Variants in VCX3A observed in about 807,000 individuals in gnomAD.
The protein encoded by VCX3A is variable charge X-linked protein 3.
For synonymous variants in VCX3A, 6 were observed against 69.9 expected (o/e 0.09, Z 4.56); for missense variants, 37 against 151.4 (o/e 0.24, Z 3.97).
At position 6,533,752 on chromosome X, in the gene VCX3A, C is replaced by G. The variant is rs139858953; in HGVS notation, c.554G>C (p.Ser185Thr). ...SQESEMEELPSV is the reference protein window; with the variant it reads ...SQESEMEELPTV The stretch of plus-strand genomic sequence containing the variant: ...AGGGGAGTAGCTGGCCGTCTACACA[C>G]TCGGTAGTTCTTCCATCTCGCTCTC... The change falls in exon 3 of 3, where the codon AGT (serine) becomes ACT (threonine). Residue 185 changes from serine to threonine, a missense_variant. Ser to Thr is a moderately conservative substitution (Grantham distance 58, BLOSUM62 1). Coordinates refer to ENST00000381089, the MANE Select transcript of VCX3A (RefSeq NM_016379.4). The G allele has an allele frequency of 1.7e-5, 20 of 1,198,461 alleles. No individual in the cohort carries two copies. The highest frequency in any genetic ancestry group is 8.9e-5 in the East Asian group (3 of 33,635).
Position 6,534,663 on chromosome X carries a change from T to C in VCX3A, c.-146-20A>G. ...GTAGCCCTGGGTGGGAAGGAAGGCC[T>C]TATACGTCACAACGCACCATCAGGA... On this transcript the variant is annotated intron_variant, in intron 1 of 2. Coordinates refer to ENST00000381089, the MANE Select transcript of VCX3A (RefSeq NM_016379.4). 2 of 686,079 alleles carry C rather than the reference T, an allele frequency of 2.9e-6. No homozygotes were observed. The highest frequency in any genetic ancestry group is 4.2e-6 in the Non-Finnish European group (2 of 472,993). 56.5% of individuals were successfully genotyped at this position (686,079 alleles called of 1,213,427 possible).
rs1921834893 is a variant in VCX3A, at chrX:6,535,097, A to C, written c.-286T>G. ...CCATGAAACAACTTTTCCATCTCAC[A>C]TACTTCTCCCAGCATCCACATAGTG... On this transcript the variant is annotated 5_prime_UTR_variant, in exon 1 of 3. An upstream start codon of the reference 5' UTR is lost. Coordinates refer to ENST00000381089, the MANE Select transcript of VCX3A (RefSeq NM_016379.4). 8.7e-6 allele frequency: 1 copy of C among 114,867 alleles called. No individual in the cohort carries two copies. Among genetic ancestry groups the C allele is most frequent in the Admixed American group, 8.6e-5 (1 of 11,694 alleles). 9.5% of individuals were successfully genotyped at this position (114,867 alleles called of 1,213,427 possible).
intron 2 of VCX3A, 28 bp downstream of exon 2, chrX:6,534,368 C>A: frequency 2.3e-6 from 1 of 437,092 alleles, no homozygotes; most frequent in Non-Finnish European, 3.6e-6. Flanking sequence ...GAGGGGAAGA[C>A]GAGGAGGAGC....
Position 6,535,011 on chromosome X carries a change from A to G in VCX3A, c.-200T>C, listed in dbSNP as rs1464294264. On this transcript the variant is annotated 5_prime_UTR_variant, in exon 1 of 3. Coordinates refer to ENST00000381089, the MANE Select transcript of VCX3A (RefSeq NM_016379.4). ...GATGGAGGGCTATACGAAGACGTCA[A>G]TCATCCCTCTCTCCTACAGATTCCT... 3.9e-5 allele frequency: 6 copies of G among 152,385 alleles called. No homozygotes were observed. Among genetic ancestry groups the G allele is most frequent in the Admixed American group, 3.0e-4 (4 of 13,248 alleles). The allele number at this position is 152,385 out of a possible 1,213,427, so 12.6% of individuals were successfully genotyped here.
At position 6,533,619 on chromosome X, in the gene VCX3A, C is replaced by T; in HGVS notation, c.*126G>A. 3.0e-6 allele frequency: 2 copies of T among 671,381 alleles called. No homozygotes were observed. Among genetic ancestry groups the T allele is most frequent in the Non-Finnish European group, 2.2e-6 (1 of 454,313 alleles). 55.3% of individuals were successfully genotyped at this position (671,381 alleles called of 1,213,427 possible). A position where few individuals can be genotyped will look rare whatever the true frequency, so the allele number is the denominator to read the frequency against. On this transcript the variant is annotated 3_prime_UTR_variant, in exon 3 of 3. Transcript: ENST00000381089. ...TCAGAGAACACAGAGTCACTCAGAT[C>T]AATTTGCAACACATTCATTTTATTA... is the stretch of plus-strand genomic sequence containing the variant.
chrX:6,533,703 A>T lies in VCX3A; in HGVS notation c.*42T>A, dbSNP rs764169764. On this transcript the variant is annotated 3_prime_UTR_variant, in exon 3 of 3. Coordinates refer to ENST00000381089, the MANE Select transcript of VCX3A (RefSeq NM_016379.4). ...CTCTGAGGTCTGGCGGCTGGGCCTG[A>T]ACTTAGTCGCTGCTCTCGGAGATAG... 8.4e-7 allele frequency: 1 copy of T among 1,184,788 alleles called. No individual in the cohort carries two copies. The highest frequency in any genetic ancestry group is 1.8e-5 in the South Asian group (1 of 55,345).
rs1274812167 is a variant in VCX3A at position 6,533,708 on chromosome X, A to C, written c.*37T>G. The C allele has an allele frequency of 7.6e-6, 9 of 1,185,080 alleles. No homozygotes were observed. Among genetic ancestry groups the C allele is most frequent in the Admixed American group, 2.2e-5 (1 of 44,980 alleles). On this transcript the variant is annotated 3_prime_UTR_variant, in exon 3 of 3. Coordinates refer to ENST00000381089, the MANE Select transcript of VCX3A (RefSeq NM_016379.4). ...AGGTCTGGCGGCTGGGCCTGAACTT[A>C]GTCGCTGCTCTCGGAGATAGGGGAG...
In VCX3A at chrX:6,533,807, CCT is replaced by C. The variant is rs766193165; in HGVS notation, c.497_498del (p.Gln166ArgfsTer?). ...QESEVEEPLS[Q>X]ESQVEEPLSQ... ...CTCAGTGGTTCCTCCACCTGGCTCTCCTGACTCAGTGGTTCCTCCACCTCGCT... is the reference window on the plus strand; with the variant it reads ...CTCAGTGGTTCCTCCACCTGGCTCTCGACTCAGTGGTTCCTCCACCTCGCT... On this transcript the variant is annotated frameshift_variant, in exon 3 of 3. Coordinates refer to ENST00000381089, the MANE Select transcript of VCX3A (RefSeq NM_016379.4). LOFTEE classifies it high-confidence loss of function. 22 of 1,131,035 alleles carry C rather than the reference CCT, an allele frequency of 1.9e-5. No individual in the cohort carries two copies. The African/African-American group carries it at 4.0e-4, about 20-fold the overall frequency. 93.2% of individuals were successfully genotyped at this position (1,131,035 alleles called of 1,213,427 possible).
rs763476497 is a variant in VCX3A, at chrX:6,533,782, C to G, written c.524G>C (p.Ser175Thr). Reference protein sequence around the residue: ...SQESQVEEPLSQESEMEELPS... With the variant: ...SQESQVEEPLTQESEMEELPS... ...TAGTTCTTCCATCTCGCTCTCCTGACTCAGTGGTTCCTCCACCTGGCTCTC... is the reference window on the plus strand; with the variant it reads ...TAGTTCTTCCATCTCGCTCTCCTGAGTCAGTGGTTCCTCCACCTGGCTCTC... The change falls in exon 3 of 3, where the codon AGT becomes ACT. Residue 175 changes from serine (S) to threonine (T), a missense_variant. Physicochemically the swap from Ser to Thr is moderately conservative, Grantham distance 58. Transcript: ENST00000381089. The G allele has an allele frequency of 2.0e-5, 23 of 1,139,037 alleles. No individual in the cohort carries two copies. In the East Asian group the frequency reaches 2.5e-4, roughly 12 times the overall value. 93.9% of individuals were successfully genotyped at this position (1,139,037 alleles called of 1,213,427 possible). A position where few individuals can be genotyped will look rare whatever the true frequency, so the allele number is the denominator to read the frequency against.
rs781146102 is a variant in VCX3A at position 6,533,664 on chromosome X, C to T, written c.*81G>A. On this transcript the variant is annotated 3_prime_UTR_variant, in exon 3 of 3. Transcript: ENST00000381089. ...TTATTATCTTCAGAATGGCAAGCAC[C>T]CCGCTGGTGAGATCTCTGAGGTCTG... The T allele has an allele frequency of 2.6e-6, 3 of 1,162,866 alleles. No individual in the cohort carries two copies. In the South Asian group the frequency reaches 5.5e-5, roughly 21 times the overall value.
At chrX:6,534,326 C>T (rs779316507) in intron 2 of VCX3A, 70 bp downstream of exon 2, 23 of 547,829 alleles carry the variant, frequency 4.2e-5, no homozygotes, top group South Asian at 6.8e-5. Context: ...TGCCAAGTGA[C>T]GACAGGAGAG....
Position 6,533,647 on chromosome X carries a change from T to A in VCX3A, c.*98A>T, listed in dbSNP as rs774289475. 6,282 of 1,031,336 alleles carry A rather than the reference T, an allele frequency of 6.1e-3. 29 individuals carry two copies. Among genetic ancestry groups the A allele is most frequent in the Non-Finnish European group, 6.5e-3 (5,029 of 767,911 alleles). The allele number at this position is 1,031,336 out of a possible 1,213,427, so 85.0% of individuals were successfully genotyped here. On this transcript the variant is annotated 3_prime_UTR_variant, in exon 3 of 3. Coordinates refer to ENST00000381089, the MANE Select transcript of VCX3A (RefSeq NM_016379.4). The stretch of plus-strand genomic sequence containing the variant: ...TTTGCAACACATTCATTTTATTATC[T>A]TCAGAATGGCAAGCACCCCGCTGGT...
intron 1 of VCX3A, 72 bp from the exon 2 acceptor site, chrX:6,534,715 G>T (rs1455639974): frequency 5.9e-6 from 2 of 337,140 alleles, no homozygotes; most frequent in East Asian, 1.2e-4. Flanking sequence ...GGGGGCGGGG[G>T]GGGGTGACAT....
rs1253300390 is a variant in VCX3A, at chrX:6,534,638, G to A, written c.-141C>T. On this transcript the variant is annotated 5_prime_UTR_variant, in exon 2 of 3. Coordinates refer to ENST00000381089, the MANE Select transcript of VCX3A (RefSeq NM_016379.4). ...TCAACACTCCACTACCCAGCCAATG[G>A]TAGCCCTGGGTGGGAAGGAAGGCCT... 3.2e-5 allele frequency: 25 copies of A among 788,631 alleles called. 1 individual carries two copies. Among genetic ancestry groups the A allele is most frequent in the African/African-American group, 3.7e-5 (1 of 27,132 alleles). The allele number at this position is 788,631 out of a possible 1,213,427, so 65.0% of individuals were successfully genotyped here.
rs149054829 is a variant in VCX3A, at chrX:6,533,808, C to G, written c.498G>C (p.Gln166His). ...QESEVEEPLS[Q>H]ESQVEEPLSQ... ...TCAGTGGTTCCTCCACCTGGCTCTC[C>G]TGACTCAGTGGTTCCTCCACCTCGC... Residue 166 changes from glutamine to histidine, a missense_variant, in exon 3 of 3, where the codon CAG (glutamine) becomes CAC (histidine). By Grantham distance (24) the Gln-to-His change is conservative. Coordinates refer to ENST00000381089, the MANE Select transcript of VCX3A (RefSeq NM_016379.4). 1.0e-4 allele frequency: 114 copies of G among 1,128,461 alleles called. No individual in the cohort carries two copies. The African/African-American group carries it at 2.1e-3, about 21-fold the overall frequency. The allele number at this position is 1,128,461 out of a possible 1,213,427, so 93.0% of individuals were successfully genotyped here. A position where few individuals can be genotyped will look rare whatever the true frequency, so the allele number is the denominator to read the frequency against.
Position 6,533,716 on chromosome X carries a change from C to T in VCX3A, c.*29G>A. 1 of 1,185,527 alleles carries T rather than the reference C, an allele frequency of 8.4e-7. No homozygotes were observed. Among genetic ancestry groups the T allele is most frequent in the Non-Finnish European group, 1.1e-6 (1 of 879,665 alleles). Reference sequence around the variant, plus strand: ...CGGCTGGGCCTGAACTTAGTCGCTGCTCTCGGAGATAGGGGAGTAGCTGGC... The same window carrying T: ...CGGCTGGGCCTGAACTTAGTCGCTGTTCTCGGAGATAGGGGAGTAGCTGGC... On this transcript the variant is annotated 3_prime_UTR_variant, in exon 3 of 3. Coordinates refer to ENST00000381089, the MANE Select transcript of VCX3A (RefSeq NM_016379.4).
chrX:6,533,656 G>T lies in VCX3A; in HGVS notation c.*89C>A, dbSNP rs766937985. The T allele has an allele frequency of 2.6e-6, 3 of 1,150,025 alleles. No individual in the cohort carries two copies. The highest frequency in any genetic ancestry group is 3.7e-5 in the South Asian group (2 of 54,087). The allele number at this position is 1,150,025 out of a possible 1,213,427, so 94.8% of individuals were successfully genotyped here. On this transcript the variant is annotated 3_prime_UTR_variant, in exon 3 of 3. Coordinates refer to ENST00000381089, the MANE Select transcript of VCX3A (RefSeq NM_016379.4). ...CATTCATTTTATTATCTTCAGAATGGCAAGCACCCCGCTGGTGAGATCTCT... is the reference window on the plus strand; with the variant it reads ...CATTCATTTTATTATCTTCAGAATGTCAAGCACCCCGCTGGTGAGATCTCT...
In VCX3A at chrX:6,535,002, A is replaced by T. The variant is rs1921831890; in HGVS notation, c.-191T>A. 2 of 152,905 alleles carry T rather than the reference A, an allele frequency of 1.3e-5. No individual in the cohort carries two copies. Among genetic ancestry groups the T allele is most frequent in the Middle Eastern group, 2.9e-3 (1 of 350 alleles). 12.6% of individuals were successfully genotyped at this position (152,905 alleles called of 1,213,427 possible). On this transcript the variant is annotated 5_prime_UTR_variant, in exon 1 of 3. Coordinates refer to ENST00000381089, the MANE Select transcript of VCX3A (RefSeq NM_016379.4). Reference sequence around the variant, plus strand: ...ACTGGGATGGATGGAGGGCTATACGAAGACGTCAATCATCCCTCTCTCCTA... The same window carrying T: ...ACTGGGATGGATGGAGGGCTATACGTAGACGTCAATCATCCCTCTCTCCTA...
rs1432855518 is a variant in VCX3A at position 6,533,635 on chromosome X, C to G, written c.*110G>C. The G allele has an allele frequency of 2.8e-6, 3 of 1,073,974 alleles. No homozygotes were observed. Among genetic ancestry groups the G allele is most frequent in the East Asian group, 3.1e-5 (1 of 32,005 alleles). The allele number at this position is 1,073,974 out of a possible 1,213,427, so 88.5% of individuals were successfully genotyped here. Reference sequence around the variant, plus strand: ...CACTCAGATCAATTTGCAACACATTCATTTTATTATCTTCAGAATGGCAAG... The same window carrying G: ...CACTCAGATCAATTTGCAACACATTGATTTTATTATCTTCAGAATGGCAAG... On this transcript the variant is annotated 3_prime_UTR_variant, in exon 3 of 3. Coordinates refer to ENST00000381089, the MANE Select transcript of VCX3A (RefSeq NM_016379.4).
Sources: gnomAD v4.1 joint callset for allele counts on GRCh38, gnomAD v4.1.1 for gene constraint, MANE v1.5 for transcripts, NCBI Gene and HGNC (gene_info 2026-07-23, HGNC 2026-07-21) for gene names.